Variants in NEK11 observed in about 807,000 individuals in gnomAD.
NEK11 encodes the protein NIMA related kinase 11, also known as serine/threonine-protein kinase Nek11.
In NEK11, 72 loss-of-function variants were observed where a neutral mutation model predicts 80.7. The observed-to-expected ratio is 0.89, with a 90% CI of 0.74 to 1.08. NEK11 has a LOEUF of 1.08. Among genes scored for constraint, NEK11 ranks in the 50% least tolerant of loss-of-function variants. The probability of loss-of-function intolerance (pLI) is 0.00; values close to 1 mark genes in which losing one functional copy is unlikely to be tolerated. For missense variants in NEK11, 764 were observed against 763.6 expected, an observed-to-expected ratio of 1.00 and a Z score of -0.01; for synonymous variants, 251 against 260.7, an observed-to-expected ratio of 0.96 and a Z score of 0.36.
intron 3 of NEK11, among the ~76,000 whole-genome samples, chr3:131,035,935 A>G (rs139314026): frequency 6.6e-6 from 1 of 152,328 alleles, no homozygotes; most frequent in African/African-American, 2.4e-5. Flanking sequence ...ATGCACCCCC[A>G]TACAAATATT....
intron 3 of NEK11, among the ~76,000 whole-genome samples, chr3:131,047,771 C>A (rs779201749): frequency 6.6e-6 from 1 of 152,138 alleles, no homozygotes; most frequent in African/African-American, 2.4e-5. Flanking sequence ...CAGAAGGTGG[C>A]GCTTTCAAGA....
intron 14 of NEK11, among the ~76,000 whole-genome samples, chr3:131,210,477 T>A (rs1256954346): frequency 1.3e-5 from 2 of 152,226 alleles, no homozygotes; most frequent in African/African-American, 4.8e-5. Flanking sequence ...GTTCTGTAGA[T>A]GTCTATTAGG....
At chr3:131,141,672 A>G (rs577590587) in intron 7 of NEK11, among the ~76,000 whole-genome samples, 1 of 152,330 alleles carries the variant, frequency 6.6e-6, no homozygotes, top group East Asian at 1.9e-4. Flanking sequence ...CTGGGAATTT[A>G]AAAATAGTTA....
chr3:131,103,373 T>C (rs902871795), intron 4 of NEK11, among the ~76,000 whole-genome samples: 6 of 152,254 alleles, frequency 3.9e-5, no homozygotes, highest in Admixed American at 3.9e-4. Flanking sequence ...GCCAATGCTC[T>C]ATGCAGCTTC....
chr3:131,190,188 T>C (rs149124535), intron 14 of NEK11, among the ~76,000 whole-genome samples: 1 of 152,324 alleles, frequency 6.6e-6, no homozygotes, highest in East Asian at 1.9e-4. Flanking sequence ...ATGAACTTAT[T>C]CATGCTCTCA....
At chr3:131,203,130 G>T (rs2094305292) in intron 14 of NEK11, among the ~76,000 whole-genome samples, 1 of 152,008 alleles carries the variant, frequency 6.6e-6, no homozygotes, top group Admixed American at 6.6e-5. Context: ...GCATGCACTT[G>T]TATGTTTATT....
At chr3:131,064,817 A>C (rs2071590206) in intron 3 of NEK11, among the ~76,000 whole-genome samples, 2 of 151,996 alleles carry the variant, frequency 1.3e-5, no homozygotes, top group African/African-American at 4.8e-5. Flanking sequence ...GGCAAACAAG[A>C]ATGTAAATAG....
chr3:131,168,852 T>G lies in NEK11; in HGVS notation c.1199T>G (p.Met400Arg), dbSNP rs1251140129. The stretch of plus-strand genomic sequence containing the variant: ...TAGGAAAAAACACATTTAAAAGGAA[T>G]GGAAGAAAAGGAGGAGCAACCTGAG... ...VLHEKTHLKG[M>R]EEKEEQPEGR... Residue 400 changes from methionine to arginine, a missense_variant, in exon 13 of 18, where the codon ATG becomes AGG. By Grantham distance (91) the Met-to-Arg change is moderately conservative. Transcript: ENST00000383366. The G allele has an allele frequency of 6.2e-7, 1 of 1,613,482 alleles. No individual in the cohort carries two copies. The highest frequency in any genetic ancestry group is 2.2e-5 in the East Asian group (1 of 44,880).
chr3:131,340,568 A>G (rs1199853754), intron 17 of NEK11, among the ~76,000 whole-genome samples: 2 of 152,188 alleles, frequency 1.3e-5, no homozygotes, highest in African/African-American at 4.8e-5. Context: ...GGAAATGGGC[A>G]GGGGAGAGAA....
intron 16 of NEK11, among the ~76,000 whole-genome samples, chr3:131,251,863 C>T (rs2095710316): frequency 6.6e-6 from 1 of 152,072 alleles, no homozygotes; most frequent in Non-Finnish European, 1.5e-5. Context: ...TGGCTACAGA[C>T]ATTGAGATGA....
At chr3:131,102,667 A>T (rs376734615) in intron 4 of NEK11, among the ~76,000 whole-genome samples, 1 of 152,076 alleles carries the variant, frequency 6.6e-6, no homozygotes, top group African/African-American at 2.4e-5. Context: ...TGGTTGACTT[A>T]TATGGTGTCT....
chr3:131,306,128 T>C (rs1432825794), intron 17 of NEK11, among the ~76,000 whole-genome samples: 1 of 152,232 alleles, frequency 6.6e-6, no homozygotes, highest in East Asian at 1.9e-4. Context: ...CATCTTTTTG[T>C]ACATGCTATC....
intron 4 of NEK11, among the ~76,000 whole-genome samples, chr3:131,095,640 A>C (rs2077320130): frequency 1.3e-5 from 2 of 152,176 alleles, no homozygotes; most frequent in South Asian, 4.1e-4. Context: ...ATACTCATGC[A>C]ATATAACTTA....
At chr3:131,041,915 T>C (rs185970605) in intron 3 of NEK11, among the ~76,000 whole-genome samples, 8 of 152,068 alleles carry the variant, frequency 5.3e-5, no homozygotes, top group East Asian at 1.9e-4. Flanking sequence ...GTTCATCTCA[T>C]TGGGACTGGT....
At chr3:131,328,099 C>T (rs942598023) in intron 17 of NEK11, among the ~76,000 whole-genome samples, 1 of 151,836 alleles carries the variant, frequency 6.6e-6, no homozygotes, top group African/African-American at 2.4e-5. Flanking sequence ...GCCTGGGAAA[C>T]ATAGCAAGAC....
At position 131,256,941 on chromosome 3, in the gene NEK11, C is replaced by T. The variant is rs141401345; in HGVS notation, c.1621+13445C>T. On this transcript the variant is annotated intron_variant, in intron 16 of 17. Transcript: ENST00000383366. ...ACCTGGATGTGGCTGATGTTCCTAC[C>T]GCAAACCTGCCTGGATGGACTTCAT... Among the ~76,000 whole-genome samples, 457 of 152,116 alleles carry T rather than the reference C, an allele frequency of 3.0e-3. 1 individual carries two copies. The highest frequency in any genetic ancestry group is 0.014 in the Middle Eastern group (4 of 294).
chr3:131,191,872 A>T (rs2093811105), intron 14 of NEK11, among the ~76,000 whole-genome samples: 1 of 152,146 alleles, frequency 6.6e-6, no homozygotes, highest in South Asian at 2.1e-4. Context: ...AAAGCTCATG[A>T]CATTGGATAT....
rs537016349 is a variant in NEK11, at chr3:131,136,434, T to C, written c.647+2478T>C. ...TCTGAATCTCAGTGTGTAGCATCTG[T>C]TTATTGTGGAATTTTTTTTTAGGAT... On this transcript the variant is annotated intron_variant, in intron 7 of 17. Coordinates refer to ENST00000383366, the MANE Select transcript of NEK11 (RefSeq NM_024800.5). Among the ~76,000 whole-genome samples the C allele has an allele frequency of 2.6e-5, 4 of 152,278 alleles. No individual in the cohort carries two copies. The South Asian group carries it at 8.3e-4, about 32-fold the overall frequency.
At chr3:131,267,824 G>T (rs1394586647) in intron 16 of NEK11, among the ~76,000 whole-genome samples, 7 of 152,124 alleles carry the variant, frequency 4.6e-5, no homozygotes, top group Non-Finnish European at 1.0e-4. Context: ...GGCCTCTCTT[G>T]CTAGGTTGGG....
Sources: allele counts gnomAD v4.1 joint callset (sites outside exome capture counted in the v4.1 genomes callset), GRCh38; gene constraint gnomAD v4.1.1; transcripts MANE v1.5; gene names NCBI Gene and HGNC (gene_info 2026-07-23, HGNC 2026-07-21).